Variants in CUX1 observed in about 807,000 individuals in gnomAD.
The protein encoded by CUX1 is protein CASP.
A neutral mutation model predicts 158.8 loss-of-function variants in CUX1; 31 were observed. The observed-to-expected ratio is 0.20, with a 90% CI of 0.15 to 0.26. CUX1 has a LOEUF of 0.26. Ranked by LOEUF, CUX1 falls within the 10% of genes least tolerant of loss-of-function variation. CUX1 has a pLI of 1.00. For missense variants in CUX1, 1,589 were observed against 2,014.6 expected, an observed-to-expected ratio of 0.79 and a Z score of 4.04; for synonymous variants, 879 against 862.1, an observed-to-expected ratio of 1.02 and a Z score of -0.34.
chr7:101,949,014 C>T (rs1226068161), intron 2 of CUX1, among the ~76,000 whole-genome samples: 1 of 152,206 alleles, frequency 6.6e-6, no homozygotes, highest in Non-Finnish European at 1.5e-5. Flanking sequence ...GTGACGGTGA[C>T]ATCCAAGTGG....
chr7:101,924,624 G>A (rs1473964521), intron 2 of CUX1, among the ~76,000 whole-genome samples: 4 of 151,630 alleles, frequency 2.6e-5, no homozygotes, highest in South Asian at 2.1e-4. Flanking sequence ...GGAGAGCAGT[G>A]GCATGATCTC....
chr7:102,106,127 A>C (rs1585701674), intron 6 of CUX1, among the ~76,000 whole-genome samples: 1 of 111,342 alleles, frequency 9.0e-6, no homozygotes, highest in African/African-American at 3.7e-5. Context: ...TCACTCTGTC[A>C]CCCAGGCTTG....
chr7:102,272,875 C>A (rs1425056374), intron 14 of CUX1, among the ~76,000 whole-genome samples: 2 of 152,170 alleles, frequency 1.3e-5, no homozygotes, highest in Non-Finnish European at 2.9e-5. Context: ...AGAGGTGGCA[C>A]CCCTACGCGC....
intron 2 of CUX1, among the ~76,000 whole-genome samples, chr7:101,941,615 C>T (rs1807723190): frequency 6.6e-6 from 1 of 152,182 alleles, no homozygotes; most frequent in Admixed American, 6.5e-5. Context: ...AGTTTGATAG[C>T]CCCATTCTGA....
intron 1 of CUX1, among the ~76,000 whole-genome samples, chr7:101,870,141 A>G (rs1208695648): frequency 1.0e-5 from 1 of 99,226 alleles, no homozygotes; most frequent in Non-Finnish European, 1.9e-5. Context: ...CCTGATGTTT[A>G]GTGTTTTTTT....
chr7:101,881,197 C>T (rs1015322469), intron 1 of CUX1, among the ~76,000 whole-genome samples: 2 of 152,306 alleles, frequency 1.3e-5, no homozygotes, highest in East Asian at 1.9e-4. Flanking sequence ...CTGTCTGTCT[C>T]GCTCACCGTA....
At chr7:101,825,104 C>A (rs985284246) in intron 1 of CUX1, among the ~76,000 whole-genome samples, 30 of 152,282 alleles carry the variant, frequency 2.0e-4, no homozygotes, top group Middle Eastern at 6.8e-3. Context: ...CCGGAGAATA[C>A]CAACCTTTCA....
At chr7:102,213,614 A>G (rs1796763564) in intron 20 of CUX1, among the ~76,000 whole-genome samples, 2 of 152,266 alleles carry the variant, frequency 1.3e-5, no homozygotes, top group Non-Finnish European at 2.9e-5. Flanking sequence ...CATAGAAAAC[A>G]GAATTTACAG....
chr7:101,902,937 A>G (rs2131766901), intron 1 of CUX1, among the ~76,000 whole-genome samples: 1 of 152,274 alleles, frequency 6.6e-6, no homozygotes, highest in East Asian at 1.9e-4. Flanking sequence ...TTAATGGCTG[A>G]TGTTTCTTAA....
intron 1 of CUX1, among the ~76,000 whole-genome samples, chr7:101,902,991 A>G (rs1002438995): frequency 1.2e-4 from 19 of 152,188 alleles, no homozygotes; most frequent in Admixed American, 6.5e-5. Context: ...GCTAAGTATA[A>G]AAAGAATAAT....
intron 1 of CUX1, among the ~76,000 whole-genome samples, chr7:101,838,039 T>G (rs1794822825): frequency 6.6e-6 from 1 of 151,994 alleles, no homozygotes; most frequent in South Asian, 2.1e-4. Flanking sequence ...TTGTAAAATA[T>G]GTGGCCTATT....
intron 21 of CUX1, among the ~76,000 whole-genome samples, chr7:102,232,230 C>G (rs1289807754): frequency 6.6e-6 from 1 of 151,966 alleles, no homozygotes; most frequent in African/African-American, 2.4e-5. Flanking sequence ...CCTGTAATCC[C>G]AGCTACTCGG....
At chr7:102,104,722 T>C (rs1344738198) in intron 6 of CUX1, among the ~76,000 whole-genome samples, 1 of 151,846 alleles carries the variant, frequency 6.6e-6, no homozygotes, top group Non-Finnish European at 1.5e-5. Flanking sequence ...AAACCCCGTC[T>C]CTACTAAAAA....
At chr7:101,935,261 C>A (rs527933518) in intron 2 of CUX1, among the ~76,000 whole-genome samples, 2 of 152,196 alleles carry the variant, frequency 1.3e-5, no homozygotes, top group Non-Finnish European at 2.9e-5. Context: ...AGAGAACAAA[C>A]CCCTTTTGAC....
chr7:101,837,647 A>G (rs1794766357), intron 1 of CUX1, among the ~76,000 whole-genome samples: 1 of 151,682 alleles, frequency 6.6e-6, no homozygotes, highest in African/African-American at 2.4e-5. Flanking sequence ...TGGGCAACAT[A>G]GTGAGACCCT....
chr7:102,250,062 G>GAA lies in CUX1; in HGVS notation c.*1031_*1032dup, dbSNP rs556237321. The GAA allele has an allele frequency of 9.4e-5, 75 of 802,064 alleles. No individual in the cohort carries two copies. Among genetic ancestry groups the GAA allele is most frequent in the Middle Eastern group, 6.4e-4 (1 of 1,558 alleles). 49.7% of individuals were successfully genotyped at this position (802,064 alleles called of 1,614,324 possible). A position where few individuals can be genotyped will look rare whatever the true frequency, so the allele number is the denominator to read the frequency against. On this transcript the variant is annotated 3_prime_UTR_variant, in exon 24 of 24. Coordinates refer to ENST00000292535, the MANE Select transcript of CUX1 (RefSeq NM_181552.4). ...TCAGGACAAAAAAAAGAAAAAAAAA[G>GAA]AAAAAAAAAAAAGAAAAGATCCGAA...
chr7:102,196,824 C>A lies in CUX1; in HGVS notation c.1413C>A (p.Pro471=). The A allele has an allele frequency of 6.2e-7, 1 of 1,614,192 alleles. No individual in the cohort carries two copies. Among genetic ancestry groups the A allele is most frequent in the Non-Finnish European group, 8.5e-7 (1 of 1,180,042 alleles). The part of the protein sequence containing the change: ...FSSSLASPSL[P]LASTGKFALN... ...CATCCCTGGCAAGCCCCAGCCTACC[C>A]CTGGCTTCTACAGGAAAATTTGCAC... Residue 471 remains proline, a synonymous_variant, in exon 15 of 24, where the codon CCC becomes CCA. Coordinates refer to ENST00000292535, the MANE Select transcript of CUX1 (RefSeq NM_181552.4).
chr7:102,006,058 C>T (rs17134981), intron 2 of CUX1, among the ~76,000 whole-genome samples: 6,208 of 152,272 alleles, frequency 0.041, 442 homozygotes, highest in African/African-American at 0.14. Context: ...CCGTCATTCT[C>T]AGTGCAGACC....
At chr7:101,876,521 C>T (rs1799153477) in intron 1 of CUX1, among the ~76,000 whole-genome samples, 1 of 150,954 alleles carries the variant, frequency 6.6e-6, no homozygotes, top group Admixed American at 6.6e-5. Context: ...ATGGTGAAAC[C>T]CTGTCTCCAC....
Sources: gnomAD v4.1 joint callset for allele counts (sites outside exome capture counted in the v4.1 genomes callset) on GRCh38, gnomAD v4.1.1 for gene constraint, MANE v1.5 for transcripts, NCBI Gene and HGNC (gene_info 2026-07-23, HGNC 2026-07-21) for gene names.